The following ELOVL7 variants were observed in gnomAD, a reference collection of about 807,000 sequenced individuals.
ELOVL7 encodes very long chain fatty acid elongase 7.
A neutral mutation model predicts 35.7 loss-of-function variants in ELOVL7; 27 were observed. The ratio of observed to expected loss-of-function variants is 0.76; its 90% CI spans 0.56 to 1.04. ELOVL7 has a LOEUF of 1.04. Among genes scored for constraint, ELOVL7 ranks in the 50% least tolerant of loss-of-function variants. The pLI, the probability that ELOVL7 is intolerant of heterozygous loss-of-function variation, is 0.00. For missense variants in ELOVL7, 327 were observed against 340.8 expected (o/e 0.96, Z 0.32); for synonymous variants, 113 against 114.6 (o/e 0.99, Z 0.09).
intron 3 of ELOVL7, among the ~76,000 whole-genome samples, chr5:60,775,571 T>C (rs1230510048): frequency 1.3e-5 from 2 of 152,158 alleles, no homozygotes; most frequent in Non-Finnish European, 2.9e-5. Flanking sequence ...TTATCTTACT[T>C]CAAACTGTAC....
At position 60,754,567 on chromosome 5, in the gene ELOVL7, C is replaced by A; in HGVS notation, c.*57G>T. On this transcript the variant is annotated 3_prime_UTR_variant, in exon 9 of 9. Transcript: ENST00000508821. ...CAAAATGCACTGCATAGGTAAATAT[C>A]TCTTGATTGTCAAGGAAGACAATGT... The A allele has an allele frequency of 6.7e-7, 1 of 1,482,052 alleles. No individual in the cohort carries two copies. Among genetic ancestry groups the A allele is most frequent in the Non-Finnish European group, 9.4e-7 (1 of 1,063,282 alleles). The allele number at this position is 1,482,052 out of a possible 1,614,324, so 91.8% of individuals were successfully genotyped here. A position where few individuals can be genotyped will look rare whatever the true frequency, so the allele number is the denominator to read the frequency against.
chr5:60,835,204 A>T (rs995252740), intron 1 of ELOVL7, among the ~76,000 whole-genome samples: 2 of 151,490 alleles, frequency 1.3e-5, no homozygotes, highest in African/African-American at 2.4e-5. Flanking sequence ...AAAAAAAAAA[A>T]AAAAGACAGA....
chr5:60,819,330 T>C (rs1047931191), intron 1 of ELOVL7, among the ~76,000 whole-genome samples: 1 of 151,948 alleles, frequency 6.6e-6, no homozygotes, highest in Non-Finnish European at 1.5e-5. Context: ...GATAGACAGA[T>C]GGATGAGATG....
At chr5:60,828,448 A>G (rs1746300445) in intron 1 of ELOVL7, among the ~76,000 whole-genome samples, 1 of 152,158 alleles carries the variant, frequency 6.6e-6, no homozygotes, top group South Asian at 2.1e-4. Context: ...CATATACCTA[A>G]CAGCTCATTT....
chr5:60,798,806 A>AT (rs1744420663), intron 2 of ELOVL7, among the ~76,000 whole-genome samples: 1 of 152,242 alleles, frequency 6.6e-6, no homozygotes, highest in South Asian at 2.1e-4. Flanking sequence ...TCATGAAGAC[A>AT]TAAAATAAAT....
intron 1 of ELOVL7, chr5:60,843,336 G>C (rs1254863220): frequency 3.3e-5 from 5 of 150,762 alleles, no homozygotes; most frequent in African/African-American, 1.2e-4. Flanking sequence ...TGACTTGAAG[G>C]GGGAAAGCCC....
At chr5:60,818,320 A>G (rs978674123) in intron 1 of ELOVL7, among the ~76,000 whole-genome samples, 3 of 31,622 alleles carry the variant, frequency 9.5e-5, no homozygotes, top group South Asian at 1.2e-3. Flanking sequence ...TCCATCTCAG[A>G]AAAAAAAAAA....
At chr5:60,760,636 T>C (rs1354305368) in intron 7 of ELOVL7, among the ~76,000 whole-genome samples, 2 of 152,216 alleles carry the variant, frequency 1.3e-5, no homozygotes, top group African/African-American at 4.8e-5. Context: ...AGAAGCTCTT[T>C]AGTTTAATTA....
At chr5:60,780,420 A>G (rs1743176733) in intron 3 of ELOVL7, among the ~76,000 whole-genome samples, 1 of 152,028 alleles carries the variant, frequency 6.6e-6, no homozygotes, top group Non-Finnish European at 1.5e-5. Flanking sequence ...GCGCCCGGCC[A>G]AACTTTCCCA....
intron 3 of ELOVL7, among the ~76,000 whole-genome samples, chr5:60,780,756 A>T (rs1251305413): frequency 6.6e-6 from 1 of 152,170 alleles, no homozygotes. Context: ...ATCTTGTGAA[A>T]ACTCACAATC....
At chr5:60,821,373 T>A (rs1460529584) in intron 1 of ELOVL7, among the ~76,000 whole-genome samples, 1 of 152,196 alleles carries the variant, frequency 6.6e-6, no homozygotes, top group Non-Finnish European at 1.5e-5. Flanking sequence ...CAACCCCACG[T>A]GACTCTCTAG....
intron 1 of ELOVL7, among the ~76,000 whole-genome samples, chr5:60,837,441 A>G (rs987742728): frequency 2.0e-5 from 3 of 151,868 alleles, no homozygotes; most frequent in Non-Finnish European, 4.4e-5. Context: ...TGGGTGACAC[A>G]GTGAGACTCC....
intron 1 of ELOVL7, among the ~76,000 whole-genome samples, chr5:60,817,201 G>A (rs559112771): frequency 1.4e-4 from 21 of 150,424 alleles, no homozygotes; most frequent in African/African-American, 5.1e-4. Flanking sequence ...ATCCCAAAAG[G>A]TTACTTTCTC....
At chr5:60,787,979 CAGAT>C (rs1436569065) in intron 2 of ELOVL7, among the ~76,000 whole-genome samples, 1 of 152,042 alleles carries the variant, frequency 6.6e-6, no homozygotes, top group African/African-American at 2.4e-5. Flanking sequence ...TTTATCTAGA[CAGAT>C]AGACAAGAAT....
intron 7 of ELOVL7, among the ~76,000 whole-genome samples, chr5:60,758,466 C>T (rs1232662512): frequency 1.3e-5 from 2 of 152,204 alleles, no homozygotes; most frequent in Non-Finnish European, 1.5e-5. Flanking sequence ...CTGGCTTTCA[C>T]TAGCAAACTG....
intron 1 of ELOVL7, among the ~76,000 whole-genome samples, chr5:60,824,453 G>A (rs1215235548): frequency 6.6e-6 from 1 of 152,186 alleles, no homozygotes; most frequent in Non-Finnish European, 1.5e-5. Flanking sequence ...AAAGGCAGAG[G>A]CAACAAAGCC....
intron 2 of ELOVL7, among the ~76,000 whole-genome samples, chr5:60,788,353 G>A: frequency 6.6e-6 from 1 of 152,172 alleles, no homozygotes. Context: ...TGATGGTGGT[G>A]ATGGCTGCAC....
chr5:60,782,855 T>C (rs1390057668), intron 3 of ELOVL7, among the ~76,000 whole-genome samples: 1 of 152,202 alleles, frequency 6.6e-6, no homozygotes, highest in African/African-American at 2.4e-5. Context: ...AGAAGAAATA[T>C]CTTTTTGACA....
At chr5:60,756,243 CCTAAATA>C (rs1444278749) in intron 8 of ELOVL7, among the ~76,000 whole-genome samples, 1 of 151,622 alleles carries the variant, frequency 6.6e-6, no homozygotes, top group Non-Finnish European at 1.5e-5. Context: ...GAAAAAAAAG[CCTAAATA>C]CAAAATACAA....
Sources: gnomAD v4.1 joint callset for allele counts (sites outside exome capture counted in the v4.1 genomes callset) on GRCh38, gnomAD v4.1.1 for gene constraint, MANE v1.5 for transcripts, NCBI Gene and HGNC (gene_info 2026-07-23, HGNC 2026-07-21) for gene names.